The following MMP26 variants were observed in gnomAD, a reference collection of about 807,000 sequenced individuals.
The protein encoded by MMP26 is matrix metallopeptidase 26.
MMP26 carries 33 observed loss-of-function variants against 31.0 expected under a neutral mutation model. That is an observed-to-expected ratio of 1.06 (90% confidence interval 0.81 to 1.42). The LOEUF (loss-of-function observed/expected upper bound fraction) is 1.42. MMP26 is among the 40% of genes most tolerant of loss of function. MMP26 has a pLI of 0.00. For missense variants in MMP26, 347 were observed against 316.1 expected (o/e 1.10, Z -0.74); for synonymous variants, 122 against 114.9 (o/e 1.06, Z -0.40).
At chr11:4,976,595 G>T (rs1172615260) in intron 2 of MMP26, among the ~76,000 whole-genome samples, 1 of 151,898 alleles carries the variant, frequency 6.6e-6, no homozygotes, top group Non-Finnish European at 1.5e-5. Context: ...TGATCTTGAT[G>T]GTCTGACTCT....
chr11:4,833,110 A>G (rs1171743756), intron 2 of MMP26: 1 of 152,132 alleles, frequency 6.6e-6, no homozygotes, highest in East Asian at 1.9e-4. Flanking sequence ...TTCACAATAC[A>G]TTTTCTTAGG....
At chr11:4,929,277 T>G (rs576620368) in intron 2 of MMP26, among the ~76,000 whole-genome samples, 35 of 152,244 alleles carry the variant, frequency 2.3e-4, no homozygotes, top group Non-Finnish European at 4.3e-4. Flanking sequence ...TATTTTATAA[T>G]AAACCCATTA....
chr11:4,839,012 C>A (rs909040459), intron 2 of MMP26, among the ~76,000 whole-genome samples: 2 of 152,104 alleles, frequency 1.3e-5, no homozygotes, highest in Non-Finnish European at 2.9e-5. Flanking sequence ...AGCAGACACA[C>A]TGGTGTCAGA....
In MMP26 at chr11:4,781,516, C is replaced by T. The variant is rs1489851589; in HGVS notation, c.-145+14175C>T. 4.1e-5 allele frequency among the ~76,000 whole-genome samples: 4 copies of T among 98,510 alleles called. 1 individual carries two copies. In the South Asian group the frequency reaches 1.3e-3, roughly 32 times the overall value. 64.6% of individuals were successfully genotyped at this position (98,510 alleles called of 152,430 possible). ...GAGCCGAGATTGCGCCACTGCAGTC[C>T]GCAGTCCGGCCTGGGCGACAGAGCG... is the stretch of plus-strand genomic sequence containing the variant. On this transcript the variant is annotated intron_variant, in intron 2 of 7. Coordinates refer to ENST00000380390, the MANE Select transcript of MMP26 (RefSeq NM_021801.5).
chr11:4,990,494 C>A, intron 4 of MMP26, 104 bp from the exon 5 acceptor site: 2 of 1,178,522 alleles, frequency 1.7e-6, no homozygotes, highest in Non-Finnish European at 1.2e-6. Flanking sequence ...AAAATGAGTC[C>A]TAAAACTATT....
intron 2 of MMP26, chr11:4,943,532 T>A: frequency 2.2e-6 from 1 of 455,842 alleles, no homozygotes; most frequent in Non-Finnish European, 4.4e-6. Context: ...TAGATAATTC[T>A]TTTGGGTAAG....
intron 2 of MMP26, among the ~76,000 whole-genome samples, chr11:4,923,050 G>A (rs1214021277): frequency 6.6e-6 from 1 of 152,178 alleles, no homozygotes; most frequent in Non-Finnish European, 1.5e-5. Flanking sequence ...TACTGTTTTA[G>A]ATTTTGTCCA....
chr11:4,971,774 G>T (rs1846669527), intron 2 of MMP26, among the ~76,000 whole-genome samples: 1 of 152,184 alleles, frequency 6.6e-6, no homozygotes, highest in Non-Finnish European at 1.5e-5. Flanking sequence ...GTTCTGGCGA[G>T]ATCCTCAGAA....
intron 2 of MMP26, among the ~76,000 whole-genome samples, chr11:4,791,120 C>G (rs1314268992): frequency 6.6e-6 from 1 of 152,104 alleles, no homozygotes; most frequent in African/African-American, 2.4e-5. Context: ...AAATCTGAAG[C>G]GTACATAAAT....
chr11:4,758,507 C>T lies in MMP26; in HGVS notation c.-216-8763C>T, dbSNP rs186311587. 5.2e-4 allele frequency among the ~76,000 whole-genome samples: 77 copies of T among 148,818 alleles called. 1 individual carries two copies. Among genetic ancestry groups the T allele is most frequent in the Middle Eastern group, 3.5e-3 (1 of 282 alleles). ...AAAAAACTAAAATAAAGCATAGCAC[C>T]GCAATACATACTGAAATTATTTTCT... is the stretch of plus-strand genomic sequence containing the variant. On this transcript the variant is annotated intron_variant, in intron 1 of 7. Transcript: ENST00000380390.
chr11:4,886,915 T>C (rs190825396), intron 2 of MMP26, among the ~76,000 whole-genome samples: 19 of 152,104 alleles, frequency 1.2e-4, no homozygotes, highest in African/African-American at 2.6e-4. Context: ...TGTTTGCTTA[T>C]ATTTCAGTAG....
chr11:4,732,584 A>G (rs975954872), intron 1 of MMP26, among the ~76,000 whole-genome samples: 4 of 151,182 alleles, frequency 2.6e-5, no homozygotes, highest in African/African-American at 9.7e-5. Context: ...GAACCCCAAG[A>G]GAAGCACCCT....
intron 2 of MMP26, among the ~76,000 whole-genome samples, chr11:4,818,659 T>C (rs1849453070): frequency 6.6e-6 from 1 of 152,200 alleles, no homozygotes. Flanking sequence ...TTTTCCTATA[T>C]TCTTCAAGCT....
rs535542641 is a variant in MMP26, at chr11:4,924,382, G to A, written c.-144-63686G>A. ...CTCAGAAACCTGGAATATAGAATGA[G>A]ATTCCTGGAAAGTGACAAGGCTGAA... On this transcript the variant is annotated intron_variant, in intron 2 of 7. Coordinates refer to ENST00000380390, the MANE Select transcript of MMP26 (RefSeq NM_021801.5). 16 of 1,535,202 alleles carry A rather than the reference G, an allele frequency of 1.0e-5. No individual in the cohort carries two copies. The Admixed American group carries it at 2.9e-4, about 28-fold the overall frequency.
intron 2 of MMP26, chr11:4,907,960 C>A: frequency 6.2e-7 from 1 of 1,614,096 alleles, no homozygotes; most frequent in South Asian, 1.1e-5. Context: ...CCAATGTCAT[C>A]TATGGCTTCT....
At chr11:4,946,328 T>A in intron 2 of MMP26, 1 of 1,613,808 alleles carries the variant, frequency 6.2e-7, no homozygotes, top group Non-Finnish European at 8.5e-7. Context: ...AACGGCCAGG[T>A]TGATGATGGG....
intron 2 of MMP26, among the ~76,000 whole-genome samples, chr11:4,799,996 C>G (rs1363335398): frequency 3.3e-5 from 5 of 152,200 alleles, no homozygotes; most frequent in Non-Finnish European, 5.9e-5. Flanking sequence ...TGTGACTGCT[C>G]TCATGGACTG....
At chr11:4,792,445 C>T (rs1010522767) in intron 2 of MMP26, among the ~76,000 whole-genome samples, 1 of 152,110 alleles carries the variant, frequency 6.6e-6, no homozygotes, top group African/African-American at 2.4e-5. Context: ...CACCAGGTCA[C>T]TAGAATGTCT....
intron 4 of MMP26, 63 bp from the exon 5 acceptor site, chr11:4,990,535 T>C: frequency 6.9e-7 from 1 of 1,446,888 alleles, no homozygotes; most frequent in Non-Finnish European, 9.4e-7. Context: ...GAATTATTCA[T>C]GTTTAGAGCT....
Sources: allele counts gnomAD v4.1 joint callset (sites outside exome capture counted in the v4.1 genomes callset), GRCh38; gene constraint gnomAD v4.1.1; transcripts MANE v1.5; gene names NCBI Gene and HGNC (gene_info 2026-07-23, HGNC 2026-07-21).